The following CRBN variants were observed in gnomAD, a reference collection of about 807,000 sequenced individuals.
CRBN encodes the protein protein cereblon.
A neutral mutation model predicts 62.2 loss-of-function variants in CRBN; 53 were observed. The ratio of observed to expected loss-of-function variants is 0.85; its 90% CI spans 0.68 to 1.07. The LOEUF is 1.07. CRBN is among the 50% of genes least tolerant of loss of function. CRBN has a pLI of 0.00. For missense variants in CRBN, 616 were observed against 531.1 expected (o/e 1.16, Z -1.57); for synonymous variants, 208 against 176.1 (o/e 1.18, Z -1.43).
In CRBN at chr3:3,150,379, A is replaced by T. The variant is rs1706432984; in HGVS notation, c.*486T>A. On this transcript the variant is annotated 3_prime_UTR_variant, in exon 11 of 11. Coordinates refer to ENST00000231948, the MANE Select transcript of CRBN (RefSeq NM_016302.4). ...ACAAAGCCCTTTTAGAATAATTAAT[A>T]TACATTGCCTTGCTTCTTTCCAAAA... 1 of 152,228 alleles carries T rather than the reference A, an allele frequency of 6.6e-6. No individual in the cohort carries two copies. Among genetic ancestry groups the T allele is most frequent in the Non-Finnish European group, 1.5e-5 (1 of 68,560 alleles). The allele number at this position is 152,228 out of a possible 1,614,324, so 9.4% of individuals were successfully genotyped here.
intron 4 of CRBN, among the ~76,000 whole-genome samples, chr3:3,168,210 C>T (rs1203130533): frequency 6.6e-6 from 1 of 151,976 alleles, no homozygotes; most frequent in Non-Finnish European, 1.5e-5. Flanking sequence ...TTACATCTAT[C>T]CTTTCTCATA....
intron 9 of CRBN, chr3:3,152,918 A>AGGTC: frequency 2.8e-6 from 1 of 361,670 alleles, no homozygotes. Flanking sequence ...TGCAATGACA[A>AGGTC]GGTCCTGTGT....
rs1706726018 is a variant in CRBN, at chr3:3,153,428, A to G, written c.1012T>C (p.Phe338Leu). 2.0e-6 allele frequency: 3 copies of G among 1,508,362 alleles called. No individual in the cohort carries two copies. The highest frequency in any genetic ancestry group is 2.8e-6 in the Non-Finnish European group (3 of 1,084,020). 93.4% of individuals were successfully genotyped at this position (1,508,362 alleles called of 1,614,324 possible). A position where few individuals can be genotyped will look rare whatever the true frequency, so the allele number is the denominator to read the frequency against. The change falls in exon 9 of 11, where the codon TTC becomes CTC. Residue 338 changes from phenylalanine to leucine, a missense_variant. Transcript: ENST00000231948. ...ETEITTKNEIFSLSLCGPMAA... is the reference protein window; with the variant it reads ...ETEITTKNEILSLSLCGPMAA... ...AAAACGTAATAAAGACCTTACCTGA[A>G]TATTTCATTTTTGGTTGTTATTTCT...
In CRBN at chr3:3,150,638, AG is replaced by A. The variant is rs1252226134; in HGVS notation, c.*226del. ...CAGGATAATGGCACCAAGCTACCCAAGTAGATGTTTCTGGTATTCTAGACTG... is the reference window on the plus strand; with the variant it reads ...CAGGATAATGGCACCAAGCTACCCAATAGATGTTTCTGGTATTCTAGACTG... On this transcript the variant is annotated 3_prime_UTR_variant, in exon 11 of 11. Transcript: ENST00000231948. 34 of 470,576 alleles carry A rather than the reference AG, an allele frequency of 7.2e-5. No homozygotes were observed. Among genetic ancestry groups the A allele is most frequent in the Non-Finnish European group, 1.3e-4 (33 of 256,454 alleles). The allele number at this position is 470,576 out of a possible 1,614,324, so 29.2% of individuals were successfully genotyped here. A position where few individuals can be genotyped will look rare whatever the true frequency, so the allele number is the denominator to read the frequency against.
chr3:3,165,849 T>TG (rs1707307738), intron 5 of CRBN, among the ~76,000 whole-genome samples: 1 of 152,190 alleles, frequency 6.6e-6, no homozygotes, highest in Non-Finnish European at 1.5e-5. Context: ...AACAACTTGA[T>TG]GCAGTTACCT....
At chr3:3,174,002 C>T in intron 3 of CRBN, 57 bp downstream of exon 3, 3 of 1,419,082 alleles carry the variant, frequency 2.1e-6, no homozygotes, top group South Asian at 1.1e-5. Flanking sequence ...TCAACACTGA[C>T]CACTGCAATT....
chr3:3,169,620 A>C (rs1707516297), intron 4 of CRBN, among the ~76,000 whole-genome samples: 1 of 152,214 alleles, frequency 6.6e-6, no homozygotes, highest in African/African-American at 2.4e-5. Context: ...AGTCATCTCC[A>C]ATCTGCAGAA....
chr3:3,171,055 T>A (rs1332993807), intron 4 of CRBN, among the ~76,000 whole-genome samples: 1 of 152,160 alleles, frequency 6.6e-6, no homozygotes, highest in Non-Finnish European at 1.5e-5. Flanking sequence ...TCGTCCTGCC[T>A]TGGCCTCCCA....
Position 3,174,029 on chromosome 3 carries a change from G to C in CRBN, c.377+30C>G, listed in dbSNP as rs373141466. 80 of 1,563,854 alleles carry C rather than the reference G, an allele frequency of 5.1e-5. No homozygotes were observed. The African/African-American group carries it at 8.4e-4, about 16-fold the overall frequency. On this transcript the variant is annotated intron_variant, in intron 3 of 10. Coordinates refer to ENST00000231948, the MANE Select transcript of CRBN (RefSeq NM_016302.4). The stretch of plus-strand genomic sequence containing the variant: ...ACTGCAATTACCCATGAGAGGGAAT[G>C]TATTAAGCAAATGGACTCTAATATT...
intron 5 of CRBN, among the ~76,000 whole-genome samples, chr3:3,161,579 G>C (rs1293889838): frequency 6.6e-6 from 1 of 152,054 alleles, no homozygotes; most frequent in East Asian, 1.9e-4. Flanking sequence ...AGTAGAGACG[G>C]GGTTTCACCA....
At chr3:3,169,512 C>G (rs145964345) in intron 4 of CRBN, among the ~76,000 whole-genome samples, 1 of 152,114 alleles carries the variant, frequency 6.6e-6, no homozygotes, top group Non-Finnish European at 1.5e-5. Flanking sequence ...AAATTCTGCA[C>G]TCAAATTGCC....
chr3:3,151,406 A>AAGTT (rs1197702484), intron 10 of CRBN, among the ~76,000 whole-genome samples: 1 of 152,176 alleles, frequency 6.6e-6, no homozygotes, highest in East Asian at 1.9e-4. Context: ...TATTGCAGTC[A>AAGTT]AGTTAGAAAA....
intron 6 of CRBN, 61 bp downstream of exon 6, chr3:3,156,158 A>G (rs1156661211): frequency 2.9e-6 from 4 of 1,378,672 alleles, no homozygotes; most frequent in African/African-American, 1.4e-5. Flanking sequence ...TTGTTTTTTA[A>G]TGACCCTTAA....
intron 3 of CRBN, among the ~76,000 whole-genome samples, chr3:3,173,219 G>A (rs1464435119): frequency 6.6e-6 from 1 of 151,938 alleles, no homozygotes; most frequent in African/African-American, 2.4e-5. Flanking sequence ...CACCACGCCT[G>A]GCTAATTTTT....
At chr3:3,164,223 C>T (rs1575091395) in intron 5 of CRBN, among the ~76,000 whole-genome samples, 1 of 152,200 alleles carries the variant, frequency 6.6e-6, no homozygotes, top group Non-Finnish European at 1.5e-5. Flanking sequence ...TCAAGCATCT[C>T]TCACTTTAAA....
intron 8 of CRBN, 50 bp downstream of exon 8, chr3:3,153,910 C>A: frequency 8.5e-7 from 1 of 1,173,882 alleles, no homozygotes; most frequent in South Asian, 1.2e-5. Flanking sequence ...CATCCTAGTT[C>A]TCCAGCCTGA....
At chr3:3,156,582 T>C (rs1197874796) in intron 5 of CRBN, 4 of 401,822 alleles carry the variant, frequency 1.0e-5, no homozygotes, top group Non-Finnish European at 1.8e-5. Flanking sequence ...ACCATACTTC[T>C]ATTATGACCA....
intron 1 of CRBN, among the ~76,000 whole-genome samples, chr3:3,177,252 G>A (rs562097438): frequency 1.9e-4 from 29 of 152,274 alleles, no homozygotes; most frequent in African/African-American, 6.7e-4. Flanking sequence ...TCGATAAAAT[G>A]TCATTACGAA....
Position 3,152,598 on chromosome 3 carries a change from G to C in CRBN, c.1017-11C>G, listed in dbSNP as rs1358596726. On this transcript the variant is annotated splice_polypyrimidine_tract_variant and intron_variant, in intron 9 of 10. Coordinates refer to ENST00000231948, the MANE Select transcript of CRBN (RefSeq NM_016302.4). ...CCACATAAGGATAAACTAAAACAAA[G>C]AATCAACATGGAGAACACGTCAAAA... 1 of 1,613,724 alleles carries C rather than the reference G, an allele frequency of 6.2e-7. No homozygotes were observed. Among genetic ancestry groups the C allele is most frequent in the African/African-American group, 1.3e-5 (1 of 74,870 alleles).
Sources: allele counts gnomAD v4.1 joint callset (sites outside exome capture counted in the v4.1 genomes callset), GRCh38; gene constraint gnomAD v4.1.1; transcripts MANE v1.5; gene names NCBI Gene and HGNC (gene_info 2026-07-23, HGNC 2026-07-21).